GPATCH2: variants seen among roughly 807,000 people sequenced by gnomAD.
The protein encoded by GPATCH2 is G patch domain-containing protein 2.
GPATCH2 carries 51 observed loss-of-function variants against 58.0 expected under a neutral mutation model. The ratio of observed to expected loss-of-function variants is 0.88; its 90% CI spans 0.70 to 1.11. GPATCH2 has a LOEUF of 1.11. Among genes scored for constraint, GPATCH2 ranks in the 50% most tolerant of loss-of-function variants. The pLI is 0.00. For synonymous variants in GPATCH2, 222 were observed against 218.5 expected, an observed-to-expected ratio of 1.02 and a Z score of -0.14; for missense variants, 625 against 652.2, an observed-to-expected ratio of 0.96 and a Z score of 0.45.
chr1:217,572,509 C>A (rs1666616524), intron 5 of GPATCH2, among the ~76,000 whole-genome samples: 1 of 152,142 alleles, frequency 6.6e-6, no homozygotes, highest in African/African-American at 2.4e-5. Flanking sequence ...TGCTGAACAA[C>A]CATTAATCAT....
chr1:217,515,799 T>TA (rs36063116), intron 5 of GPATCH2, among the ~76,000 whole-genome samples: 60,294 of 148,710 alleles, frequency 0.41, 12,411 homozygotes, highest in Non-Finnish European at 0.45. Flanking sequence ...ACTTATTACA[T>TA]AAAAAAAAAA....
intron 5 of GPATCH2, among the ~76,000 whole-genome samples, chr1:217,526,183 T>C (rs1663896741): frequency 6.6e-6 from 1 of 152,190 alleles, no homozygotes; most frequent in Admixed American, 6.5e-5. Context: ...CAAGGACCAA[T>C]AGTAATTTAT....
intron 5 of GPATCH2, among the ~76,000 whole-genome samples, chr1:217,559,097 T>C (rs1459822728): frequency 6.6e-6 from 1 of 152,096 alleles, no homozygotes; most frequent in East Asian, 1.9e-4. Context: ...AAACAATTAA[T>C]TAAAAATGGC....
At chr1:217,521,921 C>T (rs1430335805) in intron 5 of GPATCH2, among the ~76,000 whole-genome samples, 1 of 152,124 alleles carries the variant, frequency 6.6e-6, no homozygotes, top group African/African-American at 2.4e-5. Context: ...CAGCTGCCAG[C>T]ATTGCATTAA....
chr1:217,540,065 T>A (rs1000931368), intron 5 of GPATCH2, among the ~76,000 whole-genome samples: 1 of 152,202 alleles, frequency 6.6e-6, no homozygotes, highest in East Asian at 1.9e-4. Flanking sequence ...TGCATTTCTT[T>A]AGAGAGTTTT....
intron 5 of GPATCH2, among the ~76,000 whole-genome samples, chr1:217,520,083 A>G (rs1663374772): frequency 6.6e-6 from 1 of 152,204 alleles, no homozygotes; most frequent in Admixed American, 6.5e-5. Context: ...ATGTGTTTAT[A>G]TGGCAGGCCT....
In GPATCH2 at chr1:217,615,342, T is replaced by C. The variant is rs542595623; in HGVS notation, c.774-1140A>G. ...CCAAGGAGTTCTGAATTTAGACCTC[T>C]CTCTAGCTTTCTTCCAAATTAAGTG... On this transcript the variant is annotated intron_variant, in intron 2 of 9. Coordinates refer to ENST00000366935, the MANE Select transcript of GPATCH2 (RefSeq NM_018040.5). Among the ~76,000 whole-genome samples, 316 of 152,268 alleles carry C rather than the reference T, an allele frequency of 2.1e-3. 1 individual carries two copies. The highest frequency in any genetic ancestry group is 6.9e-3 in the African/African-American group (286 of 41,584).
At position 217,451,075 on chromosome 1, in the gene GPATCH2, G is replaced by A. The variant is rs567961835; in HGVS notation, c.1278-1738C>T. ...TGGAAGAATTTAAAGTCAGAGTGGC[G>A]AAAGAAAACATAAATATGTGTATAT... On this transcript the variant is annotated intron_variant, in intron 8 of 9. Transcript: ENST00000366935. 1.1e-4 allele frequency among the ~76,000 whole-genome samples: 16 copies of A among 152,202 alleles called. No individual in the cohort carries two copies. The South Asian group carries it at 2.1e-3, about 20-fold the overall frequency.
At chr1:217,472,712 A>C (rs184340962) in intron 8 of GPATCH2, among the ~76,000 whole-genome samples, 1 of 152,342 alleles carries the variant, frequency 6.6e-6, no homozygotes, top group Admixed American at 6.5e-5. Context: ...AAATGAGGTG[A>C]TAGCAGTGGG....
intron 5 of GPATCH2, among the ~76,000 whole-genome samples, chr1:217,519,164 T>G (rs1456231195): frequency 1.3e-5 from 2 of 152,238 alleles, no homozygotes; most frequent in Non-Finnish European, 2.9e-5. Context: ...TAAAGGAAGA[T>G]TCTTCGAAAG....
chr1:217,531,116 C>T (rs1012960543), intron 5 of GPATCH2, among the ~76,000 whole-genome samples: 1 of 152,020 alleles, frequency 6.6e-6, no homozygotes, highest in South Asian at 2.1e-4. Context: ...ACCTTGAAGG[C>T]TTCTCTGATC....
chr1:217,470,273 C>G (rs1660658326), intron 8 of GPATCH2, among the ~76,000 whole-genome samples: 1 of 152,168 alleles, frequency 6.6e-6, no homozygotes, highest in African/African-American at 2.4e-5. Flanking sequence ...GTTTTCCATC[C>G]TTAGTGACCA....
chr1:217,622,699 A>G (rs1669254629), intron 1 of GPATCH2, among the ~76,000 whole-genome samples: 1 of 152,156 alleles, frequency 6.6e-6, no homozygotes, highest in Non-Finnish European at 1.5e-5. Context: ...GCACGCCACC[A>G]TGCCCGGCTA....
chr1:217,436,608 C>A (rs900429175), intron 9 of GPATCH2, among the ~76,000 whole-genome samples: 2 of 152,098 alleles, frequency 1.3e-5, no homozygotes, highest in South Asian at 4.1e-4. Flanking sequence ...AACAATATAT[C>A]GCACTTTGTA....
chr1:217,513,995 T>G (rs972522312), intron 6 of GPATCH2, among the ~76,000 whole-genome samples: 4 of 151,928 alleles, frequency 2.6e-5, no homozygotes, highest in African/African-American at 9.7e-5. Context: ...CAGCTAATTT[T>G]TGTATTTTTA....
chr1:217,473,280 AGTGTGTGTGTGT>A lies in GPATCH2; in HGVS notation c.1277+18388_1277+18399del, dbSNP rs71166009. 1.5e-4 allele frequency among the ~76,000 whole-genome samples: 21 copies of A among 142,308 alleles called. No individual in the cohort carries two copies. The South Asian group carries it at 2.8e-3, about 19-fold the overall frequency. The allele number at this position is 142,308 out of a possible 152,430, so 93.4% of individuals were successfully genotyped here. ...GGTGCATTGCCTCAAGGTTTAGTTC[AGTGTGTGTGTGT>A]GTGTGTGTGTGTGTGTGTGTGTGTG... is the stretch of plus-strand genomic sequence containing the variant. On this transcript the variant is annotated intron_variant, in intron 8 of 9. Transcript: ENST00000366935.
intron 7 of GPATCH2, among the ~76,000 whole-genome samples, chr1:217,497,114 A>G (rs886929372): frequency 2.6e-5 from 4 of 152,190 alleles, no homozygotes; most frequent in African/African-American, 9.6e-5. Flanking sequence ...GTACTTCTCA[A>G]GTTCTAAAGG....
intron 5 of GPATCH2, among the ~76,000 whole-genome samples, chr1:217,576,802 T>C (rs1314090617): frequency 6.6e-6 from 1 of 152,180 alleles, no homozygotes; most frequent in Non-Finnish European, 1.5e-5. Flanking sequence ...AAAACAAATC[T>C]ATATCTTCTA....
chr1:217,621,293 A>C (rs889505401), intron 1 of GPATCH2, among the ~76,000 whole-genome samples: 2 of 152,234 alleles, frequency 1.3e-5, no homozygotes, highest in African/African-American at 4.8e-5. Context: ...CAAAGATTTT[A>C]AATTAGTTGG....
Sources: gnomAD v4.1 joint callset for allele counts (sites outside exome capture counted in the v4.1 genomes callset) on GRCh38, gnomAD v4.1.1 for gene constraint, MANE v1.5 for transcripts, NCBI Gene and HGNC (gene_info 2026-07-23, HGNC 2026-07-21) for gene names.